PDE9A: variants seen among roughly 807,000 people sequenced by gnomAD.
PDE9A encodes the protein high affinity cGMP-specific 3',5'-cyclic phosphodiesterase 9A.
Under a neutral mutation model 87.4 loss-of-function variants are expected in PDE9A, and 60 were observed. The observed-to-expected ratio is 0.69, with a 90% confidence interval of 0.56 to 0.85. The LOEUF is 0.85. Ranked by LOEUF, PDE9A falls within the 40% of genes least tolerant of loss-of-function variation. PDE9A has a pLI of 0.00. For missense variants in PDE9A, 665 were observed against 779.0 expected (o/e 0.85, Z 1.74); for synonymous variants, 272 against 279.4 (o/e 0.97, Z 0.27).
In PDE9A at chr21:42,715,797, TTC is replaced by T. The variant is rs1403238486; in HGVS notation, c.263-15968_263-15967del. ...CCATCCCAGTCTCAGACAGAATCGG[TTC>T]TCTCAGGGCTGTACATTCCCTGGGT... On this transcript the variant is annotated intron_variant, in intron 4 of 19. Coordinates refer to ENST00000291539, the MANE Select transcript of PDE9A (RefSeq NM_002606.3). Among the ~76,000 whole-genome samples, 2 of 150,870 alleles carry T rather than the reference TTC, an allele frequency of 1.3e-5. 1 individual carries two copies. Among genetic ancestry groups the T allele is most frequent in the Non-Finnish European group, 3.0e-5 (2 of 67,618 alleles).
chr21:42,677,109 G>A (rs2058884789), intron 1 of PDE9A, among the ~76,000 whole-genome samples: 1 of 152,234 alleles, frequency 6.6e-6, no homozygotes, highest in East Asian at 1.9e-4. Context: ...GCATCATGCT[G>A]TGTACATGCC....
intron 9 of PDE9A, among the ~76,000 whole-genome samples, chr21:42,752,649 C>G (rs1253997932): frequency 6.6e-6 from 1 of 152,202 alleles, no homozygotes; most frequent in Non-Finnish European, 1.5e-5. Context: ...TCCCAGGGAG[C>G]CGTGAAGCAC....
At chr21:42,665,024 C>G (rs912138666) in intron 1 of PDE9A, among the ~76,000 whole-genome samples, 1 of 152,248 alleles carries the variant, frequency 6.6e-6, no homozygotes, top group African/African-American at 2.4e-5. Context: ...GGATGGGCCT[C>G]AAGCCCATAT....
chr21:42,765,004 T>TGGAC (rs1371367819), intron 14 of PDE9A, among the ~76,000 whole-genome samples: 1 of 139,410 alleles, frequency 7.2e-6, no homozygotes, highest in African/African-American at 2.9e-5. Context: ...GATGGATGGA[T>TGGAC]GGATGGATGG....
intron 15 of PDE9A, 33 bp from the exon 16 acceptor site, chr21:42,768,155 C>T (rs1373747508): frequency 2.3e-6 from 3 of 1,326,670 alleles, no homozygotes; most frequent in Non-Finnish European, 3.3e-6. Flanking sequence ...GTTCTACCTC[C>T]TGTTACCTCA....
At chr21:42,686,457 T>A (rs967223604) in intron 2 of PDE9A, among the ~76,000 whole-genome samples, 195 bp downstream of exon 2, 6 of 152,194 alleles carry the variant, frequency 3.9e-5, no homozygotes, top group African/African-American at 1.4e-4. Context: ...CCTCCACAGG[T>A]GATGGCTGTG....
chr21:42,716,136 G>T (rs971411963), intron 4 of PDE9A, among the ~76,000 whole-genome samples: 4 of 151,772 alleles, frequency 2.6e-5, no homozygotes, highest in African/African-American at 9.7e-5. Flanking sequence ...CTCACCTATT[G>T]AAGAGCATCT....
At chr21:42,745,964 C>T (rs541339883) in intron 8 of PDE9A, among the ~76,000 whole-genome samples, 27 of 152,360 alleles carry the variant, frequency 1.8e-4, no homozygotes, top group Admixed American at 1.4e-3. Context: ...CCATGCCTCC[C>T]GAAGCTGCCC....
At chr21:42,684,060 C>G (rs2059312821) in intron 1 of PDE9A, among the ~76,000 whole-genome samples, 1 of 152,228 alleles carries the variant, frequency 6.6e-6, no homozygotes, top group Non-Finnish European at 1.5e-5. Context: ...GGCTTCTAAT[C>G]CAAGAAACCC....
At chr21:42,733,500 G>T (rs1338752602) in intron 7 of PDE9A, 74 bp downstream of exon 7, 7 of 844,324 alleles carry the variant, frequency 8.3e-6, no homozygotes, top group Non-Finnish European at 1.5e-5. Context: ...TTGGAACGGG[G>T]AGGAGTTCAG....
In PDE9A at chr21:42,698,851, AT is replaced by A. The variant is rs200765671; in HGVS notation, c.219-116del. On this transcript the variant is annotated intron_variant, in intron 3 of 19. Coordinates refer to ENST00000291539, the MANE Select transcript of PDE9A (RefSeq NM_002606.3). Reference sequence around the variant, plus strand: ...AAGCTAATTTAAAAAATAAAAATAAATAAAAAGAACCACCTAATCCGCTGAT... The same window carrying A: ...AAGCTAATTTAAAAAATAAAAATAAAAAAAAGAACCACCTAATCCGCTGAT... 8.4e-4 allele frequency: 503 copies of A among 595,986 alleles called. 1 individual carries two copies. The highest frequency in any genetic ancestry group is 4.2e-3 in the South Asian group (158 of 37,260). 36.9% of individuals were successfully genotyped at this position (595,986 alleles called of 1,614,324 possible). A position where few individuals can be genotyped will look rare whatever the true frequency, so the allele number is the denominator to read the frequency against.
chr21:42,658,107 G>A (rs558624078), intron 1 of PDE9A, among the ~76,000 whole-genome samples: 5 of 152,282 alleles, frequency 3.3e-5, no homozygotes, highest in East Asian at 1.9e-4. Flanking sequence ...CTTCACATGC[G>A]GGAGCCCAGG....
chr21:42,773,290 TAAAG>T (rs1405416029), intron 19 of PDE9A, among the ~76,000 whole-genome samples: 11 of 149,304 alleles, frequency 7.4e-5, no homozygotes, highest in Non-Finnish European at 1.3e-4. Flanking sequence ...GTGAGGCTCT[TAAAG>T]AAGGGGAACA....
intron 3 of PDE9A, chr21:42,689,553 A>G (rs1326635033): frequency 2.0e-6 from 2 of 985,362 alleles, no homozygotes; most frequent in Non-Finnish European, 2.4e-6. Context: ...CACCTTGTCC[A>G]TGCCAGCTGG....
intron 4 of PDE9A, among the ~76,000 whole-genome samples, chr21:42,721,137 C>G (rs2050481275): frequency 1.3e-5 from 2 of 152,094 alleles, no homozygotes. Flanking sequence ...ATGCTAGCTG[C>G]CCCAGATGCT....
At chr21:42,693,444 G>C (rs968108733) in intron 3 of PDE9A, among the ~76,000 whole-genome samples, 2 of 147,550 alleles carry the variant, frequency 1.4e-5, no homozygotes, top group African/African-American at 5.1e-5. Flanking sequence ...GACTACAGGC[G>C]CCCGCCACCA....
At chr21:42,670,577 ACATACACG>A (rs1688554624) in intron 1 of PDE9A, among the ~76,000 whole-genome samples, 1 of 151,468 alleles carries the variant, frequency 6.6e-6, no homozygotes, top group African/African-American at 2.4e-5. Flanking sequence ...TACACACACC[ACATACACG>A]CATACACTTA....
At chr21:42,697,614 G>A (rs572264600) in intron 3 of PDE9A, 3 of 743,820 alleles carry the variant, frequency 4.0e-6, no homozygotes, top group South Asian at 1.6e-5. Flanking sequence ...AATCCAAGAT[G>A]AGGGTGTGGG....
intron 3 of PDE9A, among the ~76,000 whole-genome samples, chr21:42,690,291 TA>T (rs998458305): frequency 6.6e-6 from 1 of 151,782 alleles, no homozygotes; most frequent in Non-Finnish European, 1.5e-5. Flanking sequence ...AAGAGGAAGT[TA>T]GACGCGGATG....
Sources: gnomAD v4.1 joint callset for allele counts (sites outside exome capture counted in the v4.1 genomes callset) on GRCh38, gnomAD v4.1.1 for gene constraint, MANE v1.5 for transcripts, NCBI Gene and HGNC (gene_info 2026-07-23, HGNC 2026-07-21) for gene names.